The following ACTR3C variants were observed in gnomAD, a reference collection of about 807,000 sequenced individuals.
The protein encoded by ACTR3C is actin related protein 3C.
In ACTR3C, 18 loss-of-function variants were observed where a neutral mutation model predicts 26.3. The observed-to-expected ratio is 0.68, with a 90% CI of 0.47 to 1.01. The LOEUF (loss-of-function observed/expected upper bound fraction) is 1.01, where lower values mean the gene tolerates loss of function less well. Among genes scored for constraint, ACTR3C ranks in the 50% least tolerant of loss-of-function variants. The pLI is 0.00. For missense variants in ACTR3C, 184 were observed against 250.7 expected (o/e 0.73, Z 1.80); for synonymous variants, 55 against 94.5 (o/e 0.58, Z 2.42).
chr7:150,114,733 T>A, the ACTR3C span, among the ~76,000 whole-genome samples: 1 of 152,182 alleles, frequency 6.6e-6, no homozygotes, highest in Non-Finnish European at 1.5e-5. Context: ...AACAAAGACA[T>A]TTTTCTGTCT....
the ACTR3C span, among the ~76,000 whole-genome samples, chr7:149,956,444 A>G: frequency 0.025 from 3,732 of 152,184 alleles, 143 homozygotes; most frequent in African/African-American, 0.085. Context: ...CAAAACCAAA[A>G]TGGATTCCTA....
intron 6 of ACTR3C, among the ~76,000 whole-genome samples, chr7:150,283,159 C>T (rs931417107): frequency 4.1e-5 from 6 of 146,732 alleles, no homozygotes; most frequent in Non-Finnish European, 5.9e-5. Context: ...ATTCCCACCC[C>T]GTGAGGAGCA....
the ACTR3C span, among the ~76,000 whole-genome samples, chr7:150,103,205 AG>A: frequency 6.6e-6 from 1 of 152,026 alleles, no homozygotes; most frequent in African/African-American, 2.4e-5. Context: ...GGCTTACAGC[AG>A]GTGCTCAATA....
chr7:150,112,986 G>T, the ACTR3C span, among the ~76,000 whole-genome samples: 1 of 152,086 alleles, frequency 6.6e-6, no homozygotes, highest in Non-Finnish European at 1.5e-5. Context: ...TGTGAAGGAG[G>T]ATGCCATTTT....
the ACTR3C span, among the ~76,000 whole-genome samples, chr7:150,079,263 C>T: frequency 6.6e-6 from 1 of 152,112 alleles, no homozygotes; most frequent in South Asian, 2.1e-4. Context: ...GCACAGCACC[C>T]CCGAGTACCG....
chr7:150,163,036 T>C, the ACTR3C span, among the ~76,000 whole-genome samples: 1 of 151,600 alleles, frequency 6.6e-6, no homozygotes, highest in African/African-American at 2.4e-5. Flanking sequence ...CACCTGTAAT[T>C]CCAGCTACTC....
chr7:150,119,526 A>G, the ACTR3C span, among the ~76,000 whole-genome samples: 1 of 152,222 alleles, frequency 6.6e-6, no homozygotes, highest in African/African-American at 2.4e-5. Context: ...TGCAACAAGA[A>G]GAGCTAACTA....
At chr7:150,169,301 T>C in the ACTR3C span, among the ~76,000 whole-genome samples, 1 of 145,872 alleles carries the variant, frequency 6.9e-6, no homozygotes, top group East Asian at 2.0e-4. Flanking sequence ...GAGAATGGCA[T>C]GAACCCAGAA....
chr7:150,026,185 T>TA, the ACTR3C span, among the ~76,000 whole-genome samples: 1 of 152,066 alleles, frequency 6.6e-6, no homozygotes, highest in Non-Finnish European at 1.5e-5. Flanking sequence ...CCAGTATGAA[T>TA]AACTCATTAG....
At chr7:150,141,339 G>A in the ACTR3C span, among the ~76,000 whole-genome samples, 1 of 152,050 alleles carries the variant, frequency 6.6e-6, no homozygotes. Flanking sequence ...TCCAAAATAG[G>A]TGGACCCTAG....
the ACTR3C span, among the ~76,000 whole-genome samples, chr7:150,031,956 A>AGGT: frequency 2.0e-5 from 3 of 152,160 alleles, no homozygotes; most frequent in African/African-American, 7.2e-5. Context: ...CAGTGATGGG[A>AGGT]GGTGTCCCTG....
chr7:150,072,931 C>T, the ACTR3C span, among the ~76,000 whole-genome samples: 6 of 152,080 alleles, frequency 3.9e-5, no homozygotes, highest in Non-Finnish European at 7.4e-5. Flanking sequence ...CGAGAACAAG[C>T]AGGGAGAACA....
chr7:150,087,606 G>A, the ACTR3C span, among the ~76,000 whole-genome samples: 1 of 152,148 alleles, frequency 6.6e-6, no homozygotes, highest in South Asian at 2.1e-4. Flanking sequence ...CCTTAATGTG[G>A]GAGAAACAGA....
chr7:149,891,107 G>A, the ACTR3C span: 7 of 517,582 alleles, frequency 1.4e-5, no homozygotes, highest in South Asian at 4.2e-5. Context: ...AATTTAAAAC[G>A]CCCTAGAAAA....
At chr7:150,029,460 G>A in the ACTR3C span, among the ~76,000 whole-genome samples, 22 of 149,732 alleles carry the variant, frequency 1.5e-4, no homozygotes, top group African/African-American at 3.9e-4. Flanking sequence ...GCATGCACTT[G>A]ACAGGCTGAG....
chr7:150,033,326 T>G, the ACTR3C span, among the ~76,000 whole-genome samples: 6 of 152,224 alleles, frequency 3.9e-5, no homozygotes, highest in African/African-American at 1.4e-4. Context: ...TCTAGGGCTC[T>G]TCTCATTCTT....
the ACTR3C span, among the ~76,000 whole-genome samples, chr7:149,940,870 G>A: frequency 5.3e-5 from 8 of 150,670 alleles, no homozygotes; most frequent in African/African-American, 1.9e-4. Flanking sequence ...CTGGGCTCAG[G>A]GGTCCTGCTC....
chr7:150,166,950 A>G, the ACTR3C span, among the ~76,000 whole-genome samples: 1 of 150,300 alleles, frequency 6.7e-6, no homozygotes, highest in African/African-American at 2.5e-5. Flanking sequence ...GACAACCTAT[A>G]GTTCCATGCG....
At chr7:150,025,035 C>T in the ACTR3C span, among the ~76,000 whole-genome samples, 1 of 151,788 alleles carries the variant, frequency 6.6e-6, no homozygotes, top group Non-Finnish European at 1.5e-5. Context: ...TAAACTAACA[C>T]CATGGATAAG....
Sources: allele counts gnomAD v4.1 joint callset (sites outside exome capture counted in the v4.1 genomes callset), GRCh38; gene constraint gnomAD v4.1.1; transcripts MANE v1.5; gene names NCBI Gene and HGNC (gene_info 2026-07-23, HGNC 2026-07-21).